EPS8: variants seen among roughly 807,000 people sequenced by gnomAD.
The protein encoded by EPS8 is EGFR pathway substrate 8, signaling adaptor.
Under a neutral mutation model 103.8 loss-of-function variants are expected in EPS8, and 42 were observed. The observed-to-expected ratio is 0.40, with a 90% CI of 0.32 to 0.52. EPS8 has a LOEUF of 0.52. Ranked by LOEUF, EPS8 falls within the 20% of genes least tolerant of loss-of-function variation. EPS8 has a pLI of 0.40. For missense variants in EPS8, 969 were observed against 1,005.1 expected, an observed-to-expected ratio of 0.96 and a Z score of 0.49; for synonymous variants, 344 against 344.6, an observed-to-expected ratio of 1.00 and a Z score of 0.02.
chr12:15,705,610 A>T (rs1474116303), intron 1 of EPS8, among the ~76,000 whole-genome samples: 1 of 152,246 alleles, frequency 6.6e-6, no homozygotes, highest in African/African-American at 2.4e-5. Flanking sequence ...ATCAATAATT[A>T]TAAAATGATG....
At position 15,727,505 on chromosome 12, in the gene EPS8, C is replaced by T. The variant is rs952119096; in HGVS notation, c.-21-44533G>A. On this transcript the variant is annotated intron_variant, in intron 1 of 20. Coordinates refer to ENST00000281172, the MANE Select transcript of EPS8 (RefSeq NM_004447.6). The surrounding 1 kb of genome is among the most constrained non-coding windows in gnomAD (Gnocchi z 4.3). ...AATAAATTTAACTTAAGACAACTGA[C>T]CCATTGCTACAACTTTTGTAAATAC... Among the ~76,000 whole-genome samples, 1 of 152,148 alleles carries T rather than the reference C, an allele frequency of 6.6e-6. No individual in the cohort carries two copies. The highest frequency in any genetic ancestry group is 2.4e-5 in the African/African-American group (1 of 41,436).
chr12:15,654,188 G>T lies in EPS8; in HGVS notation c.1207C>A (p.Arg403=). 1 of 1,613,686 alleles carries T rather than the reference G, an allele frequency of 6.2e-7. No individual in the cohort carries two copies. The highest frequency in any genetic ancestry group is 8.5e-7 in the Non-Finnish European group (1 of 1,179,752). Residue 403 remains arginine (R), a synonymous_variant, in exon 13 of 21, where the codon CGG becomes AGG. Transcript: ENST00000281172. The part of the protein sequence containing the change: ...FLNYTVNGDE[R]QLWMSLGGTW... ...CCTCCCAATGACATCCACAGCTGCC[G>T]TTCATCACCATTGACAGTATAATTT...
rs1285508368 is a variant in EPS8 at position 15,760,165 on chromosome 12, C to T, written c.-22+28996G>A. On this transcript the variant is annotated intron_variant, in intron 1 of 20. Transcript: ENST00000281172. This position sits in a 1 kb window ranked among gnomAD's most constrained non-coding sequence, Gnocchi z 4.5. ...AAATTCAAAGGATCATTAGTGGCTA[C>T]TAAGAGCAACTATATGCCAATAAAC... 1.3e-5 allele frequency among the ~76,000 whole-genome samples: 2 copies of T among 151,944 alleles called. No individual in the cohort carries two copies. Among genetic ancestry groups the T allele is most frequent in the Admixed American group, 1.3e-4 (2 of 15,248 alleles).
chr12:15,753,665 G>T (rs536665743), intron 1 of EPS8, among the ~76,000 whole-genome samples: 63 of 152,242 alleles, frequency 4.1e-4, no homozygotes, highest in African/African-American at 1.5e-3. Context: ...CGTATTTCTA[G>T]TGATCAAAAT....
rs1946383493 is a variant in EPS8 at position 15,706,120 on chromosome 12, T to C, written c.-21-23148A>G. 1.3e-5 allele frequency among the ~76,000 whole-genome samples: 2 copies of C among 152,176 alleles called. No individual in the cohort carries two copies. Among genetic ancestry groups the C allele is most frequent in the Non-Finnish European group, 1.5e-5 (1 of 68,032 alleles). ...CTTCTCCTCACCTAAGGTTACTCTCTCTAATTCTGCAAACCAGTATGGTAA... is the reference window on the plus strand; with the variant it reads ...CTTCTCCTCACCTAAGGTTACTCTCCCTAATTCTGCAAACCAGTATGGTAA... On this transcript the variant is annotated intron_variant, in intron 1 of 20. Coordinates refer to ENST00000281172, the MANE Select transcript of EPS8 (RefSeq NM_004447.6). The surrounding 1 kb of genome is among the most constrained non-coding windows in gnomAD (Gnocchi z 5.2).
chr12:15,689,225 C>T (rs928695702), intron 1 of EPS8, among the ~76,000 whole-genome samples: 3 of 151,692 alleles, frequency 2.0e-5, no homozygotes, highest in African/African-American at 7.3e-5. Context: ...CTCGGATGTG[C>T]AATTATATTC....
At chr12:15,651,084 A>G in intron 13 of EPS8, 78 bp from the exon 14 acceptor site, 2 of 1,142,636 alleles carry the variant, frequency 1.8e-6, no homozygotes, top group South Asian at 1.4e-5. Flanking sequence ...CAGTAAGGCT[A>G]GACATACACA....
intron 1 of EPS8, among the ~76,000 whole-genome samples, chr12:15,758,845 C>T (rs908712654): frequency 1.3e-5 from 2 of 152,078 alleles, no homozygotes; most frequent in Admixed American, 6.6e-5. Context: ...TTAATGTCTG[C>T]GGCCTACTAA....
chr12:15,729,919 C>T (rs1364091419), intron 1 of EPS8, among the ~76,000 whole-genome samples: 1 of 152,160 alleles, frequency 6.6e-6, no homozygotes, highest in Non-Finnish European at 1.5e-5. Flanking sequence ...TACCTCCCCA[C>T]ACACCTCTTG....
In EPS8 at chr12:15,743,411, A is replaced by C. The variant is rs187130765; in HGVS notation, c.-22+45750T>G. Among the ~76,000 whole-genome samples the C allele has an allele frequency of 2.1e-3, 323 of 152,316 alleles. 2 individuals carry two copies. The highest frequency in any genetic ancestry group is 7.5e-3 in the African/African-American group (312 of 41,578). ...TTTCTTCACAGAATTGGAAAAAACT[A>C]CTTTAAAGTTCATATGGAACCAGTA... On this transcript the variant is annotated intron_variant, in intron 1 of 20. Transcript: ENST00000281172.
At chr12:15,678,610 T>C (rs980225491) in intron 3 of EPS8, among the ~76,000 whole-genome samples, 6 of 152,080 alleles carry the variant, frequency 3.9e-5, no homozygotes, top group African/African-American at 1.4e-4. Context: ...TTGCTTTATA[T>C]GTAAAAGGGG....
intron 1 of EPS8, among the ~76,000 whole-genome samples, chr12:15,783,398 T>C (rs1278564955): frequency 6.6e-6 from 1 of 152,172 alleles, no homozygotes; most frequent in Non-Finnish European, 1.5e-5. Context: ...TCAAAAATTA[T>C]ACAAAAATTT....
rs1379335299 is a variant in EPS8 at position 15,701,526 on chromosome 12, A to T, written c.-21-18554T>A. On this transcript the variant is annotated intron_variant, in intron 1 of 20. Coordinates refer to ENST00000281172, the MANE Select transcript of EPS8 (RefSeq NM_004447.6). The surrounding 1 kb of genome is among the most constrained non-coding windows in gnomAD (Gnocchi z 5.1). The stretch of plus-strand genomic sequence containing the variant: ...TACACATATACAGATATGTATTAAC[A>T]TTTCACATCTACATAATCCATGCCT... Among the ~76,000 whole-genome samples the T allele has an allele frequency of 6.6e-6, 1 of 152,222 alleles. No homozygotes were observed. The highest frequency in any genetic ancestry group is 1.5e-5 in the Non-Finnish European group (1 of 68,032).
At chr12:15,625,181 C>T (rs1399135600) in intron 18 of EPS8, among the ~76,000 whole-genome samples, 1 of 152,188 alleles carries the variant, frequency 6.6e-6, no homozygotes, top group Non-Finnish European at 1.5e-5. Context: ...CCTAACAGCA[C>T]TTTCCCCATA....
At chr12:15,648,174 C>T (rs989721988) in intron 14 of EPS8, among the ~76,000 whole-genome samples, 1 of 152,192 alleles carries the variant, frequency 6.6e-6, no homozygotes, top group Non-Finnish European at 1.5e-5. Flanking sequence ...GACCCAGGAA[C>T]TGGGGACCCC....
intron 12 of EPS8, among the ~76,000 whole-genome samples, chr12:15,657,181 T>C (rs1273307593): frequency 6.6e-6 from 1 of 152,190 alleles, no homozygotes; most frequent in African/African-American, 2.4e-5. Flanking sequence ...GCTCTACTTA[T>C]TCCAAGAACA....
intron 1 of EPS8, among the ~76,000 whole-genome samples, chr12:15,768,089 C>T (rs114657636): frequency 0.027 from 4,051 of 152,038 alleles, 177 homozygotes; most frequent in African/African-American, 0.093. Context: ...TTTAAAAAAA[C>T]TGTTCTGGCT....
chr12:15,707,215 A>C (rs1220193957), intron 1 of EPS8, among the ~76,000 whole-genome samples: 1 of 152,206 alleles, frequency 6.6e-6, no homozygotes, highest in African/African-American at 2.4e-5. Context: ...AGGGGTTGAC[A>C]AACTTTCGGT....
Position 15,697,203 on chromosome 12 carries a change from G to A in EPS8, c.-21-14231C>T, listed in dbSNP as rs1417794185. 2.6e-5 allele frequency among the ~76,000 whole-genome samples: 4 copies of A among 152,160 alleles called. No homozygotes were observed. Among genetic ancestry groups the A allele is most frequent in the Non-Finnish European group, 5.9e-5 (4 of 68,042 alleles). ...AAAACTTGAGGGACAAGCACAAACTGATTAAAATGTCTAAATAACCCCCCA... is the reference window on the plus strand; with the variant it reads ...AAAACTTGAGGGACAAGCACAAACTAATTAAAATGTCTAAATAACCCCCCA... On this transcript the variant is annotated intron_variant, in intron 1 of 20. Coordinates refer to ENST00000281172, the MANE Select transcript of EPS8 (RefSeq NM_004447.6). The surrounding 1 kb of genome is among the most constrained non-coding windows in gnomAD (Gnocchi z 5.6).
Sources: allele counts gnomAD v4.1 joint callset (sites outside exome capture counted in the v4.1 genomes callset), GRCh38; gene constraint gnomAD v4.1.1; non-coding constraint Gnocchi (gnomAD v3.1); transcripts MANE v1.5; gene names NCBI Gene and HGNC (gene_info 2026-07-23, HGNC 2026-07-21).